The following ARHGEF4 variants were observed in gnomAD, a reference collection of about 807,000 sequenced individuals.
ARHGEF4 encodes Rho guanine nucleotide exchange factor 4.
A neutral mutation model predicts 162.0 loss-of-function variants in ARHGEF4; 119 were observed. That is an observed-to-expected ratio of 0.73 (90% confidence interval 0.63 to 0.86). ARHGEF4 has a LOEUF of 0.86. ARHGEF4 is among the 40% of genes least tolerant of loss of function. ARHGEF4 has a pLI of 0.00. For synonymous variants in ARHGEF4, 1,014 were observed against 979.9 expected (o/e 1.03, Z -0.65); for missense variants, 2,488 against 2,456.0 (o/e 1.01, Z -0.28).
intron 1 of ARHGEF4, among the ~76,000 whole-genome samples, chr2:130,839,027 T>C (rs1046085923): frequency 2.6e-5 from 4 of 152,142 alleles, no homozygotes; most frequent in African/African-American, 9.7e-5. Flanking sequence ...CTGTAGGTCC[T>C]GAGACACCTG....
Position 130,915,542 on chromosome 2 carries a change from G to C in ARHGEF4, c.1596G>C (p.Gly532=). 6.4e-7 allele frequency: 1 copy of C among 1,550,598 alleles called. No homozygotes were observed. Among genetic ancestry groups the C allele is most frequent in the Non-Finnish European group, 8.7e-7 (1 of 1,147,000 alleles). The part of the protein sequence containing the change: ...AKFPRQPSSE[G]TQVWSGDLMG... ...TCCCACGGCAGCCTAGCAGTGAGGG[G>C]ACCCAGGTGTGGAGTGGAGACTTGA... is the stretch of plus-strand genomic sequence containing the variant. Residue 532 remains glycine (G), a synonymous_variant, in exon 2 of 14, where the codon GGG becomes GGC. Coordinates refer to ENST00000409359, the MANE Select transcript of ARHGEF4 (RefSeq NM_001367493.1).
chr2:130,871,460 C>T (rs1678482440), intron 1 of ARHGEF4, among the ~76,000 whole-genome samples: 2 of 151,786 alleles, frequency 1.3e-5, no homozygotes, highest in Admixed American at 6.6e-5. Context: ...TGCTTGAACC[C>T]GGGAGGCAGA....
intron 1 of ARHGEF4, among the ~76,000 whole-genome samples, chr2:130,842,402 C>G (rs1270634078): frequency 6.6e-6 from 1 of 152,216 alleles, no homozygotes; most frequent in Non-Finnish European, 1.5e-5. Flanking sequence ...TGGGATATCT[C>G]AGGCCTGTGG....
intron 4 of ARHGEF4, among the ~76,000 whole-genome samples, chr2:130,950,482 A>G (rs1247591803): frequency 6.6e-6 from 1 of 152,188 alleles, no homozygotes; most frequent in African/African-American, 2.4e-5. Context: ...TCTTTCTTCA[A>G]ACCACTTTGT....
intron 1 of ARHGEF4, among the ~76,000 whole-genome samples, chr2:130,872,455 C>G (rs986619010): frequency 4.6e-5 from 7 of 152,088 alleles, no homozygotes; most frequent in African/African-American, 1.7e-4. Flanking sequence ...TCCCCCCAGG[C>G]CCCCTGCCCA....
At chr2:130,973,839 T>C (rs574541893) in intron 4 of ARHGEF4, among the ~76,000 whole-genome samples, 3 of 152,324 alleles carry the variant, frequency 2.0e-5, no homozygotes, top group Non-Finnish European at 2.9e-5. Context: ...TGATTTATAC[T>C]TTCCAGGGGC....
At chr2:130,958,300 G>A (rs546459747) in intron 4 of ARHGEF4, among the ~76,000 whole-genome samples, 9 of 152,136 alleles carry the variant, frequency 5.9e-5, no homozygotes, top group Non-Finnish European at 1.3e-4. Flanking sequence ...GGGGGAGAGG[G>A]GAATGATCTT....
chr2:130,847,310 A>T (rs1681052701), intron 1 of ARHGEF4, among the ~76,000 whole-genome samples: 2 of 152,106 alleles, frequency 1.3e-5, no homozygotes. Flanking sequence ...ATCGCTTTTC[A>T]CCTGGAGTAT....
chr2:130,968,907 G>A lies in ARHGEF4; in HGVS notation c.3985+22272G>A, dbSNP rs1044578544. On this transcript the variant is annotated intron_variant, in intron 4 of 13. Transcript: ENST00000409359. ...CACTCCAGCCTGGGCAACAGAGCAA[G>A]TCTCAGTCTCAAAAAATAAAATTAA... is the stretch of plus-strand genomic sequence containing the variant. Among the ~76,000 whole-genome samples the A allele has an allele frequency of 7.9e-5, 12 of 152,242 alleles. No individual in the cohort carries two copies. In the East Asian group the frequency reaches 1.7e-3, roughly 22 times the overall value.
chr2:130,988,872 GTATATA>G (rs58656982), intron 4 of ARHGEF4, among the ~76,000 whole-genome samples: 4,252 of 108,154 alleles, frequency 0.039, 98 homozygotes, highest in Non-Finnish European at 0.048. Flanking sequence ...GTGTGTGTGT[GTATATA>G]TATATATATA....
intron 2 of ARHGEF4, among the ~76,000 whole-genome samples, chr2:130,921,196 G>A (rs947109685): frequency 2.6e-5 from 4 of 152,192 alleles, no homozygotes; most frequent in African/African-American, 7.2e-5. Flanking sequence ...GCCTTCCCCT[G>A]CTCTAATTAA....
intron 6 of ARHGEF4, chr2:131,039,813 C>T (rs1690620668): frequency 2.1e-5 from 29 of 1,409,140 alleles, no homozygotes; most frequent in Non-Finnish European, 2.3e-5. Flanking sequence ...ACACTGACGG[C>T]GGCTGCGGGC....
chr2:130,922,567 C>T (rs1368602571), intron 2 of ARHGEF4, among the ~76,000 whole-genome samples: 1 of 152,062 alleles, frequency 6.6e-6, no homozygotes, highest in Non-Finnish European at 1.5e-5. Context: ...GGAAGTAACA[C>T]CGGTTGGTGA....
intron 1 of ARHGEF4, among the ~76,000 whole-genome samples, chr2:130,871,352 A>G (rs1273484109): frequency 6.6e-6 from 1 of 152,086 alleles, no homozygotes. Context: ...CCTGGCCAAC[A>G]TGGTGAAACC....
At chr2:131,001,176 G>A (rs567940561) in intron 4 of ARHGEF4, among the ~76,000 whole-genome samples, 27 of 151,804 alleles carry the variant, frequency 1.8e-4, no homozygotes, top group South Asian at 4.2e-4. Context: ...GGCAGTGCAT[G>A]CCTGTAATCC....
intron 1 of ARHGEF4, among the ~76,000 whole-genome samples, chr2:130,878,870 C>T (rs368521203): frequency 3.3e-5 from 5 of 152,208 alleles, no homozygotes; most frequent in African/African-American, 1.2e-4. Flanking sequence ...GAGGCATACA[C>T]ATTACTCTGG....
At chr2:130,989,195 A>C (rs1456207771) in intron 4 of ARHGEF4, among the ~76,000 whole-genome samples, 1 of 152,130 alleles carries the variant, frequency 6.6e-6, no homozygotes, top group Non-Finnish European at 1.5e-5. Context: ...TCCTAACCTC[A>C]GGTGATCTGC....
intron 10 of ARHGEF4, among the ~76,000 whole-genome samples, 177 bp downstream of exon 10, chr2:131,042,121 C>T (rs1431678746): frequency 6.6e-6 from 1 of 152,234 alleles, no homozygotes; most frequent in African/African-American, 2.4e-5. Flanking sequence ...ACCTTTGCTG[C>T]TGCCTACCGT....
intron 1 of ARHGEF4, among the ~76,000 whole-genome samples, chr2:130,886,606 G>T (rs532475582): frequency 6.6e-6 from 1 of 151,586 alleles, no homozygotes; most frequent in South Asian, 2.1e-4. Flanking sequence ...GCGGGAACCC[G>T]GGAGGTGGAG....
Sources: allele counts gnomAD v4.1 joint callset (sites outside exome capture counted in the v4.1 genomes callset), GRCh38; gene constraint gnomAD v4.1.1; transcripts MANE v1.5; gene names NCBI Gene and HGNC (gene_info 2026-07-23, HGNC 2026-07-21).